Variants in LIMA1 observed in about 807,000 individuals in gnomAD.
The protein encoded by LIMA1 is LIM domain and actin-binding protein 1.
A neutral mutation model predicts 62.6 loss-of-function variants in LIMA1; 52 were observed. The ratio of observed to expected loss-of-function variants is 0.83; its 90% CI spans 0.67 to 1.05. LIMA1 has a LOEUF of 1.05. Among genes scored for constraint, LIMA1 ranks in the 50% least tolerant of loss-of-function variants. LIMA1 has a pLI of 0.00. For synonymous variants in LIMA1, 302 were observed against 317.8 expected, an observed-to-expected ratio of 0.95 and a Z score of 0.53; for missense variants, 780 against 902.2, an observed-to-expected ratio of 0.86 and a Z score of 1.74.
At chr12:50,188,923 T>A (rs1389925380) in intron 9 of LIMA1, 1 of 152,440 alleles carries the variant, frequency 6.6e-6, no homozygotes, top group East Asian at 1.9e-4. Flanking sequence ...TAGCCGTTCT[T>A]GATCCCCAAC....
At chr12:50,247,641 T>TTATTATTA (rs1433679716) in intron 2 of LIMA1, among the ~76,000 whole-genome samples, 4 of 51,736 alleles carry the variant, frequency 7.7e-5, no homozygotes, top group Admixed American at 1.6e-4. Flanking sequence ...TATTATTATT[T>TTATTATTA]AAGACAGAGT....
rs565466862 is a variant in LIMA1 at position 50,258,637 on chromosome 12, T to A, written c.-23-9863A>T. On this transcript the variant is annotated intron_variant, in intron 1 of 10. Transcript: ENST00000341247. ...CTTTATTTAGCTCTATATCTACCTA[T>A]ACTTTTTTTTTTTTTTTTTTTTTTT... is the stretch of plus-strand genomic sequence containing the variant. Among the ~76,000 whole-genome samples the A allele has an allele frequency of 2.2e-5, 3 of 135,486 alleles. No homozygotes were observed. In the East Asian group the frequency reaches 6.5e-4, roughly 29 times the overall value. 88.9% of individuals were successfully genotyped at this position (135,486 alleles called of 152,430 possible). A position where few individuals can be genotyped will look rare whatever the true frequency, so the allele number is the denominator to read the frequency against.
chr12:50,227,976 C>T (rs898361166), intron 3 of LIMA1, among the ~76,000 whole-genome samples: 1 of 151,742 alleles, frequency 6.6e-6, no homozygotes, highest in Non-Finnish European at 1.5e-5. Flanking sequence ...TCTCCTGCCT[C>T]AGCCTCCCGA....
Position 50,200,775 on chromosome 12 carries a change from A to AG in LIMA1, c.972+1_972+2insC. 6.2e-7 allele frequency: 1 copy of AG among 1,613,758 alleles called. No individual in the cohort carries two copies. The highest frequency in any genetic ancestry group is 1.7e-5 in the Admixed American group (1 of 59,974). On this transcript the variant is annotated splice_donor_variant, in intron 7 of 10. Coordinates refer to ENST00000341247, the MANE Select transcript of LIMA1 (RefSeq NM_016357.5). LOFTEE classifies it high-confidence loss of function. ...AACTGGACATCAGACTTTTCAACCT[A>AG]CCTTTTCCCCTTCCTGATGGGTGAT... is the stretch of plus-strand genomic sequence containing the variant.
intron 4 of LIMA1, among the ~76,000 whole-genome samples, chr12:50,215,546 T>A (rs1360983135): frequency 6.6e-6 from 1 of 152,154 alleles, no homozygotes; most frequent in Non-Finnish European, 1.5e-5. Flanking sequence ...CTCGGCTCAC[T>A]GCAAGCTCCG....
At chr12:50,260,192 T>C (rs1972611) in intron 1 of LIMA1, among the ~76,000 whole-genome samples, 55,782 of 150,710 alleles carry the variant, frequency 0.37, 10,985 homozygotes, top group South Asian at 0.5. Context: ...TTGTTGCCCA[T>C]GCTGGAGTGC....
chr12:50,270,649 A>C (rs1396464934), intron 1 of LIMA1, among the ~76,000 whole-genome samples: 2 of 151,534 alleles, frequency 1.3e-5, no homozygotes, highest in Admixed American at 1.3e-4. Context: ...GTTGAAGAGA[A>C]CATAACTATA....
At chr12:50,211,160 A>C (rs1473231623) in intron 4 of LIMA1, among the ~76,000 whole-genome samples, 1 of 151,682 alleles carries the variant, frequency 6.6e-6, no homozygotes, top group Non-Finnish European at 1.5e-5. Flanking sequence ...CATCTCTACT[A>C]AAAATACAAA....
intron 8 of LIMA1, among the ~76,000 whole-genome samples, chr12:50,193,999 T>TA (rs1565833822): frequency 5.5e-5 from 8 of 145,328 alleles, no homozygotes; most frequent in South Asian, 2.2e-4. Context: ...ATATATATAT[T>TA]TTTTTTGAGA....
At chr12:50,255,959 G>A (rs558836779) in intron 1 of LIMA1, among the ~76,000 whole-genome samples, 4 of 151,822 alleles carry the variant, frequency 2.6e-5, no homozygotes, top group African/African-American at 9.7e-5. Context: ...GCGCAATCTC[G>A]GCTCACTGCA....
chr12:50,201,617 C>T (rs1941052327), intron 6 of LIMA1: 1 of 819,500 alleles, frequency 1.2e-6, no homozygotes, highest in Admixed American at 6.2e-5. Context: ...AACATAGAAC[C>T]TGGGTGCAGT....
At chr12:50,216,080 G>C (rs1412939051) in intron 4 of LIMA1, among the ~76,000 whole-genome samples, 1 of 151,152 alleles carries the variant, frequency 6.6e-6, no homozygotes, top group African/African-American at 2.4e-5. Flanking sequence ...CTAAACATGG[G>C]TCATAACTAG....
chr12:50,263,855 G>GTATATATATATATAA (rs1565863042), intron 1 of LIMA1, among the ~76,000 whole-genome samples: 2 of 101,870 alleles, frequency 2.0e-5, no homozygotes, highest in African/African-American at 7.6e-5. Context: ...TATATATAGA[G>GTATATATATATATAA]AGTATATATA....
At chr12:50,206,124 A>T (rs1459037083) in intron 4 of LIMA1, 56 bp from the exon 5 acceptor site, 1 of 1,383,938 alleles carries the variant, frequency 7.2e-7, no homozygotes, top group East Asian at 2.3e-5. Context: ...ATCTTGACGC[A>T]AGGTTCAACT....
chr12:50,185,596 A>G (rs1940612628), intron 9 of LIMA1: 1 of 411,308 alleles, frequency 2.4e-6, no homozygotes, highest in Admixed American at 2.7e-5. Context: ...AACTCTGCTA[A>G]TCATGGCAAA....
chr12:50,265,520 CAA>C (rs761424965), intron 1 of LIMA1, among the ~76,000 whole-genome samples: 1 of 125,338 alleles, frequency 8.0e-6, no homozygotes. Flanking sequence ...AATTCCATCT[CAA>C]AAAAAAAAAA....
intron 1 of LIMA1, among the ~76,000 whole-genome samples, chr12:50,279,251 C>T (rs1040121896): frequency 1.1e-4 from 17 of 150,900 alleles, no homozygotes; most frequent in Non-Finnish European, 1.8e-4. Flanking sequence ...AGTGATCACC[C>T]GCCTCAGCCT....
chr12:50,246,375 T>C (rs1217964812), intron 2 of LIMA1, among the ~76,000 whole-genome samples: 2 of 152,144 alleles, frequency 1.3e-5, no homozygotes, highest in Admixed American at 6.6e-5. Context: ...GAGAAGTTTC[T>C]GTGCAGGACA....
rs1212662740 is a variant in LIMA1 at position 50,255,922 on chromosome 12, C to T, written c.-23-7148G>A. ...ATTTTTTTTTTGAGATGGAGTCTCA[C>T]TCTGTCGCCCAGGCTAGAGTGCAGT... On this transcript the variant is annotated intron_variant, in intron 1 of 10. Coordinates refer to ENST00000341247, the MANE Select transcript of LIMA1 (RefSeq NM_016357.5). 2.0e-5 allele frequency among the ~76,000 whole-genome samples: 3 copies of T among 152,046 alleles called. No individual in the cohort carries two copies. In the East Asian group the frequency reaches 5.8e-4, roughly 29 times the overall value.
Sources: gnomAD v4.1 joint callset for allele counts (sites outside exome capture counted in the v4.1 genomes callset) on GRCh38, gnomAD v4.1.1 for gene constraint, MANE v1.5 for transcripts, NCBI Gene and HGNC (gene_info 2026-07-23, HGNC 2026-07-21) for gene names.